The following SLC8A3 variants were observed in gnomAD, a reference collection of about 807,000 sequenced individuals.
SLC8A3 encodes the protein solute carrier family 8 member A3.
A neutral mutation model predicts 65.4 loss-of-function variants in SLC8A3; 37 were observed. That is an observed-to-expected ratio of 0.57 (90% CI 0.44 to 0.74). The LOEUF (loss-of-function observed/expected upper bound fraction) is 0.74. Ranked by LOEUF, SLC8A3 falls within the 30% of genes least tolerant of loss-of-function variation. The pLI is 0.00. For missense variants in SLC8A3, 1,112 were observed against 1,172.1 expected, an observed-to-expected ratio of 0.95 and a Z score of 0.75; for synonymous variants, 461 against 444.5, an observed-to-expected ratio of 1.04 and a Z score of -0.47.
At chr14:70,112,927 G>C (rs1343393118) in intron 2 of SLC8A3, among the ~76,000 whole-genome samples, 1 of 134,914 alleles carries the variant, frequency 7.4e-6, no homozygotes, top group African/African-American at 2.7e-5. Flanking sequence ...AGTCATATTG[G>C]ATTTAGGGCC....
At position 70,167,702 on chromosome 14, in the gene SLC8A3, A is replaced by G. The variant is rs752864721; in HGVS notation, c.721T>C (p.Phe241Leu). The change falls in exon 2 of 7, where the codon TTT becomes CTT. Residue 241 changes from phenylalanine to leucine, a missense_variant. Phe to Leu is a conservative substitution (Grantham distance 22). Coordinates refer to ENST00000356921, the MANE Select transcript of SLC8A3 (RefSeq NM_182932.3). ...CAGGCCAGAAGGACACACACTGGAA[A>G]GAAGAAGAGAGTGAGGAGGCCTTCC... ...VWEGLLTLFF[F>L]PVCVLLAWVA... 1 of 1,614,184 alleles carries G rather than the reference A, an allele frequency of 6.2e-7. No homozygotes were observed. The highest frequency in any genetic ancestry group is 8.5e-7 in the Non-Finnish European group (1 of 1,180,028).
chr14:70,180,603 G>C (rs985741826), intron 1 of SLC8A3, among the ~76,000 whole-genome samples: 1 of 152,292 alleles, frequency 6.6e-6, no homozygotes, highest in East Asian at 1.9e-4. Context: ...GAGTACAGTG[G>C]TATGTTTGGG....
chr14:70,136,447 C>T (rs1022108037), intron 2 of SLC8A3, among the ~76,000 whole-genome samples: 4 of 152,188 alleles, frequency 2.6e-5, no homozygotes, highest in Non-Finnish European at 5.9e-5. Flanking sequence ...CTCCTGTCCA[C>T]CTCACTCACC....
At chr14:70,182,408 GA>G (rs1882830305) in intron 1 of SLC8A3, among the ~76,000 whole-genome samples, 1 of 152,132 alleles carries the variant, frequency 6.6e-6, no homozygotes, top group African/African-American at 2.4e-5. Context: ...ATGGAGAAAG[GA>G]AAAATTGGGA....
intron 2 of SLC8A3, among the ~76,000 whole-genome samples, chr14:70,164,861 A>G (rs1461528254): frequency 6.6e-6 from 1 of 152,344 alleles, no homozygotes; most frequent in African/African-American, 2.4e-5. Context: ...CCTGTCCTTC[A>G]TTTGTATGTA....
intron 1 of SLC8A3, among the ~76,000 whole-genome samples, chr14:70,180,994 G>A (rs1882702078): frequency 6.6e-6 from 1 of 152,190 alleles, no homozygotes; most frequent in African/African-American, 2.4e-5. Context: ...TGAAATGAAA[G>A]ATACAGTCAG....
intron 2 of SLC8A3, among the ~76,000 whole-genome samples, chr14:70,133,548 C>T (rs1894991449): frequency 1.3e-5 from 2 of 152,136 alleles, no homozygotes; most frequent in Admixed American, 6.5e-5. Flanking sequence ...TGACAAATTC[C>T]GTGCACGGAC....
At chr14:70,175,557 A>G (rs547715344) in intron 1 of SLC8A3, among the ~76,000 whole-genome samples, 1 of 152,204 alleles carries the variant, frequency 6.6e-6, no homozygotes, top group East Asian at 1.9e-4. Context: ...TTCCCCGAAA[A>G]TGCATCTTCC....
intron 1 of SLC8A3, among the ~76,000 whole-genome samples, chr14:70,180,698 TC>T (rs1882675642): frequency 6.6e-6 from 1 of 152,190 alleles, no homozygotes; most frequent in Admixed American, 6.5e-5. Flanking sequence ...ACACATCTTT[TC>T]TGGGGGCTCT....
At chr14:70,128,552 C>G (rs893568535) in intron 2 of SLC8A3, among the ~76,000 whole-genome samples, 1 of 152,196 alleles carries the variant, frequency 6.6e-6, no homozygotes, top group African/African-American at 2.4e-5. Context: ...TTTAACAAAG[C>G]CATCTCCCAT....
At chr14:70,065,063 C>G (rs1311201689) in intron 2 of SLC8A3, among the ~76,000 whole-genome samples, 1 of 152,106 alleles carries the variant, frequency 6.6e-6, no homozygotes, top group Admixed American at 6.5e-5. Flanking sequence ...GAGCAGGAGC[C>G]CTGGGCAGTG....
rs150491913 is a variant in SLC8A3 at position 70,092,455 on chromosome 14, G to A, written c.1785-31516C>T. 1.8e-3 allele frequency among the ~76,000 whole-genome samples: 268 copies of A among 152,184 alleles called. 1 individual carries two copies. Among genetic ancestry groups the A allele is most frequent in the Middle Eastern group, 3.4e-3 (1 of 294 alleles). ...TTGTAGCTGTTGATTACTTGTCCAT[G>A]TCCATACCTCCCTCTAGACAGAAAG... On this transcript the variant is annotated intron_variant, in intron 2 of 6. Coordinates refer to ENST00000356921, the MANE Select transcript of SLC8A3 (RefSeq NM_182932.3).
chr14:70,072,111 G>C (rs546471982), intron 2 of SLC8A3, among the ~76,000 whole-genome samples: 16 of 152,288 alleles, frequency 1.1e-4, no homozygotes, highest in African/African-American at 3.6e-4. Flanking sequence ...ACATGTTTAT[G>C]GATGTAGACC....
At chr14:70,161,014 G>A (rs1896852364) in intron 2 of SLC8A3, among the ~76,000 whole-genome samples, 1 of 151,166 alleles carries the variant, frequency 6.6e-6, no homozygotes, top group African/African-American at 2.4e-5. Flanking sequence ...GGAGGCTGAG[G>A]CTGGTGGATC....
At chr14:70,064,468 A>G (rs1341397158) in intron 2 of SLC8A3, among the ~76,000 whole-genome samples, 2 of 151,242 alleles carry the variant, frequency 1.3e-5, no homozygotes, top group Non-Finnish European at 2.9e-5. Context: ...AATCTTGCCC[A>G]GAAATAGTAG....
At position 70,168,112 on chromosome 14, in the gene SLC8A3, A is replaced by G. The variant is rs761225035; in HGVS notation, c.311T>C (p.Val104Ala). 4 of 1,613,978 alleles carry G rather than the reference A, an allele frequency of 2.5e-6. No individual in the cohort carries two copies. The Admixed American group carries it at 5.0e-5, about 20-fold the overall frequency. Residue 104 changes from valine to alanine, a missense_variant, in exon 2 of 7, where the codon GTC (valine) becomes GCC (alanine). Physicochemically the swap from Val to Ala is moderately conservative, Grantham distance 64. Coordinates refer to ENST00000356921, the MANE Select transcript of SLC8A3 (RefSeq NM_182932.3). Reference protein sequence around the residue: ...IADRFMASIEVITSQEREVTI... With the variant: ...IADRFMASIEAITSQEREVTI... The stretch of plus-strand genomic sequence containing the variant: ...CACCTCCCTCTCTTGAGAGGTGATG[A>G]CTTCAATAGATGCCATGAAGCGGTC...
intron 2 of SLC8A3, among the ~76,000 whole-genome samples, chr14:70,079,232 A>G (rs2025962): frequency 6.6e-6 from 1 of 151,404 alleles, no homozygotes; most frequent in Non-Finnish European, 1.5e-5. Flanking sequence ...ACCTGTAACC[A>G]CAGCACTTTG....
intron 2 of SLC8A3, chr14:70,080,287 G>A: frequency 1.0e-6 from 1 of 959,746 alleles, no homozygotes; most frequent in South Asian, 4.8e-5. Context: ...GGGAGGGGAA[G>A]GACAGCTTGA....
At position 70,167,964 on chromosome 14, in the gene SLC8A3, A is replaced by C; in HGVS notation, c.459T>G (p.Ile153Met). The change falls in exon 2 of 7, where the codon ATT becomes ATG. Residue 153 changes from isoleucine to methionine, a missense_variant. Transcript: ENST00000356921. ...SSAPEILLSL[I>M]EVCGHGFIAG... ...CAATGAACCCATGACCACACACCTC[A>C]ATTAAAGAGAGGAGTATCTCAGGAG... is the stretch of plus-strand genomic sequence containing the variant. 6.2e-7 allele frequency: 1 copy of C among 1,614,032 alleles called. No individual in the cohort carries two copies. The highest frequency in any genetic ancestry group is 1.1e-5 in the South Asian group (1 of 91,068).
Sources: allele counts gnomAD v4.1 joint callset (sites outside exome capture counted in the v4.1 genomes callset), GRCh38; gene constraint gnomAD v4.1.1; transcripts MANE v1.5; gene names NCBI Gene and HGNC (gene_info 2026-07-23, HGNC 2026-07-21).